Variants in LOXHD1 observed in about 807,000 individuals in gnomAD.
LOXHD1 encodes the protein lipoxygenase homology PLAT domains 1.
In LOXHD1, 205 loss-of-function variants were observed where a neutral mutation model predicts 248.2. That is an observed-to-expected ratio of 0.83 (90% CI 0.74 to 0.93). The LOEUF is 0.93. Ranked by LOEUF, LOXHD1 falls within the 40% of genes least tolerant of loss-of-function variation. LOXHD1 has a pLI of 0.00. For synonymous variants in LOXHD1, 1,113 were observed against 1,162.8 expected (o/e 0.96, Z 0.87); for missense variants, 2,930 against 2,971.6 (o/e 0.99, Z 0.33).
At chr18:46,600,643 C>A (rs745957792) in intron 8 of LOXHD1, among the ~76,000 whole-genome samples, 14 of 150,946 alleles carry the variant, frequency 9.3e-5, no homozygotes, top group Non-Finnish European at 1.9e-4. Context: ...GAGGGAGGGA[C>A]AAAAATTGCC....
chr18:46,507,731 C>A lies in LOXHD1; in HGVS notation c.5518-19G>T. 6.5e-7 allele frequency: 1 copy of A among 1,544,072 alleles called. No individual in the cohort carries two copies. ...GTAGGATCTGGGGGAGAGGGAGCCA[C>A]CGTGGGAATGCCCTGTCCTCCCTCA... On this transcript the variant is annotated intron_variant, in intron 35 of 40. Coordinates refer to ENST00000642948, the MANE Select transcript of LOXHD1 (RefSeq NM_001384474.1).
intron 31 of LOXHD1, among the ~76,000 whole-genome samples, chr18:46,522,537 T>G (rs1199096002): frequency 6.6e-6 from 1 of 152,214 alleles, no homozygotes; most frequent in Non-Finnish European, 1.5e-5. Flanking sequence ...GACAGCATTC[T>G]TGTCATTTGT....
intron 5 of LOXHD1, among the ~76,000 whole-genome samples, chr18:46,615,759 T>C (rs2038577443): frequency 6.6e-6 from 1 of 152,216 alleles, no homozygotes; most frequent in Non-Finnish European, 1.5e-5. Context: ...TTTGTATGCA[T>C]TTGGCCTATC....
chr18:46,488,990 C>A lies in LOXHD1; in HGVS notation c.6031G>T (p.Asp2011Tyr). ...DFACANNKICDELEETTYEIV... is the reference protein window; with the variant it reads ...DFACANNKICYELEETTYEIV... ...CACATACTGGTCTCTTCCAGCTCAT[C>A]ACAGATCTTGTTGTTGGCACAGGCA... The change falls in exon 38 of 41, where the codon GAT becomes TAT. Residue 2011 changes from aspartate (D) to tyrosine (Y), a missense_variant. Coordinates refer to ENST00000642948, the MANE Select transcript of LOXHD1 (RefSeq NM_001384474.1). The A allele has an allele frequency of 6.4e-7, 1 of 1,551,716 alleles. No homozygotes were observed. Among genetic ancestry groups the A allele is most frequent in the South Asian group, 1.2e-5 (1 of 84,052 alleles).
Position 46,592,592 on chromosome 18 carries a change from G to A in LOXHD1, c.1432-8C>T. The A allele has an allele frequency of 1.3e-6, 2 of 1,550,016 alleles. No homozygotes were observed. Among genetic ancestry groups the A allele is most frequent in the Non-Finnish European group, 1.7e-6 (2 of 1,145,526 alleles). On this transcript the variant is annotated splice_region_variant and splice_polypyrimidine_tract_variant and intron_variant, in intron 10 of 40. Transcript: ENST00000642948. ...AAGATCCGGGAGCTCAATCTATGGT[G>A]AGAAATAAAAACATTTGAGTGGGCA...
chr18:46,543,576 C>T (rs1431555562), intron 23 of LOXHD1, among the ~76,000 whole-genome samples: 1 of 152,088 alleles, frequency 6.6e-6, no homozygotes, highest in Non-Finnish European at 1.5e-5. Context: ...TAACCCCCCA[C>T]CCCCTGACAG....
At chr18:46,584,236 G>A (rs973018840) in intron 12 of LOXHD1, among the ~76,000 whole-genome samples, 1 of 152,028 alleles carries the variant, frequency 6.6e-6, no homozygotes, top group Non-Finnish European at 1.5e-5. Flanking sequence ...GAAAGGAGGG[G>A]GGAGGAGAGG....
At chr18:46,498,075 C>T (rs1019890147) in intron 37 of LOXHD1, among the ~76,000 whole-genome samples, 1 of 152,144 alleles carries the variant, frequency 6.6e-6, no homozygotes, top group Non-Finnish European at 1.5e-5. Flanking sequence ...GTTTCTGTGC[C>T]CCAAGTTATT....
rs876657492 is a variant in LOXHD1, at chr18:46,594,431, C to T, written c.1170G>A (p.Gln390=). ...CCAGCCAGTTGCTACAAGGGAAGGT[C>T]TGCTGGATACCAGTGAAGGGGCACA... is the stretch of plus-strand genomic sequence containing the variant. ...VILCPFTGIQ[Q]TFPCSNWLDE... is the part of the protein sequence containing the mutation. Residue 390 remains glutamine, a synonymous_variant, in exon 9 of 41, where the codon CAG becomes CAA. Coordinates refer to ENST00000642948, the MANE Select transcript of LOXHD1 (RefSeq NM_001384474.1). 1 of 1,551,668 alleles carries T rather than the reference C, an allele frequency of 6.4e-7. No individual in the cohort carries two copies. The highest frequency in any genetic ancestry group is 8.7e-7 in the Non-Finnish European group (1 of 1,147,022).
intron 4 of LOXHD1, among the ~76,000 whole-genome samples, chr18:46,634,361 T>C (rs576082349): frequency 1.3e-5 from 2 of 152,302 alleles, no homozygotes; most frequent in East Asian, 1.9e-4. Context: ...ACTTGTACAG[T>C]TGGGTATCCC....
chr18:46,538,489 C>T (rs2036416628), intron 25 of LOXHD1, among the ~76,000 whole-genome samples, 152 bp from the exon 26 acceptor site: 1 of 152,188 alleles, frequency 6.6e-6, no homozygotes, highest in African/African-American at 2.4e-5. Flanking sequence ...CCTGGACCTT[C>T]ACAAGGTTGC....
chr18:46,537,861 T>G (rs1009315423), intron 26 of LOXHD1, among the ~76,000 whole-genome samples: 33 of 152,208 alleles, frequency 2.2e-4, no homozygotes, highest in African/African-American at 7.2e-4. Flanking sequence ...GATAAGTGTC[T>G]ATTGTTGGAA....
In LOXHD1 at chr18:46,477,933, A is replaced by G. The variant is rs2032172657; in HGVS notation, c.6361T>C (p.Cys2121Arg). 1 of 1,549,614 alleles carries G rather than the reference A, an allele frequency of 6.5e-7. No individual in the cohort carries two copies. The highest frequency in any genetic ancestry group is 2.0e-5 in the Admixed American group (1 of 50,966). The change falls in exon 41 of 41, where the codon TGC (cysteine) becomes CGC (arginine). Residue 2121 changes from cysteine to arginine, a missense_variant. Coordinates refer to ENST00000642948, the MANE Select transcript of LOXHD1 (RefSeq NM_001384474.1). ...YGNVYFFNCDCLIPLKRKRKY... is the reference protein window; with the variant it reads ...YGNVYFFNCDRLIPLKRKRKY... ...CTCTTCCTCTTGAGGGGGATGAGGC[A>G]GTCACAGTTAAAGAAGTACCTGGCA...
chr18:46,545,355 T>A lies in LOXHD1; in HGVS notation c.3581A>T (p.Asn1194Ile). 8 of 1,551,936 alleles carry A rather than the reference T, an allele frequency of 5.2e-6. No homozygotes were observed. Among genetic ancestry groups the A allele is most frequent in the Non-Finnish European group, 7.0e-6 (8 of 1,147,008 alleles). The change falls in exon 23 of 41, where the codon AAT (asparagine) becomes ATT (isoleucine). Residue 1194 changes from asparagine to isoleucine, a missense_variant. Asn to Ile is a moderately radical substitution (Grantham distance 149, BLOSUM62 -3). Transcript: ENST00000642948. The part of the protein sequence containing the change: ...GVKKNAGTDA[N>I]VFITLFGTQD... ...TGTGCCAAAGAGTGTGATGAAGACA[T>A]TAGCATCTGTGCCCGCATTCTTCTT... is the stretch of plus-strand genomic sequence containing the variant.
intron 8 of LOXHD1, among the ~76,000 whole-genome samples, chr18:46,596,794 C>T (rs1225655522): frequency 2.0e-5 from 3 of 152,214 alleles, no homozygotes; most frequent in African/African-American, 7.2e-5. Flanking sequence ...GGCAATTAGA[C>T]GAACAGAAGC....
At chr18:46,617,950 A>G (rs2038612710) in intron 5 of LOXHD1, among the ~76,000 whole-genome samples, 1 of 152,178 alleles carries the variant, frequency 6.6e-6, no homozygotes, top group Non-Finnish European at 1.5e-5. Context: ...GACAATTGCA[A>G]TCAACCCACA....
intron 34 of LOXHD1, among the ~76,000 whole-genome samples, chr18:46,510,301 A>G (rs2034880116): frequency 1.3e-5 from 2 of 152,388 alleles, no homozygotes; most frequent in African/African-American, 2.4e-5. Flanking sequence ...GCACAACTCT[A>G]GATGGCATCG....
At chr18:46,557,249 C>A in intron 21 of LOXHD1, 107 bp downstream of exon 21, 1 of 1,389,594 alleles carries the variant, frequency 7.2e-7, no homozygotes, top group Non-Finnish European at 1.0e-6. Context: ...CCTCACCCTC[C>A]ACCGTCACAG....
At chr18:46,645,136 G>T (rs755106869) in intron 2 of LOXHD1, among the ~76,000 whole-genome samples, 1 of 152,228 alleles carries the variant, frequency 6.6e-6, no homozygotes, top group Non-Finnish European at 1.5e-5. Context: ...CCCAACTCAG[G>T]ATTAGCTTCT....
Sources: gnomAD v4.1 joint callset for allele counts (sites outside exome capture counted in the v4.1 genomes callset) on GRCh38, gnomAD v4.1.1 for gene constraint, MANE v1.5 for transcripts, NCBI Gene and HGNC (gene_info 2026-07-23, HGNC 2026-07-21) for gene names.